The following D2HGDH variants were observed in gnomAD, a reference collection of about 807,000 sequenced individuals.
D2HGDH encodes D-2-hydroxyglutarate dehydrogenase, mitochondrial.
D2HGDH carries 31 observed loss-of-function variants against 46.9 expected under a neutral mutation model. That is an observed-to-expected ratio of 0.66 (90% CI 0.50 to 0.89). The LOEUF is 0.89. D2HGDH is among the 40% of genes least tolerant of loss of function. The probability of loss-of-function intolerance (pLI) is 0.00; values close to 1 mark genes in which losing one functional copy is unlikely to be tolerated. For missense variants in D2HGDH, 698 were observed against 720.8 expected, an observed-to-expected ratio of 0.97 and a Z score of 0.36; for synonymous variants, 364 against 332.6, an observed-to-expected ratio of 1.09 and a Z score of -1.03.
chr2:241,747,802 A>T (rs555042657), intron 6 of D2HGDH, among the ~76,000 whole-genome samples: 2 of 152,124 alleles, frequency 1.3e-5, no homozygotes, highest in Admixed American at 1.3e-4. Context: ...AGCTCAAACA[A>T]TTCTCCTGCC....
intron 9 of D2HGDH, among the ~76,000 whole-genome samples, chr2:241,756,252 C>T (rs773684159): frequency 1.6e-4 from 25 of 152,232 alleles, no homozygotes; most frequent in Non-Finnish European, 3.4e-4. Context: ...AATGGCAGAG[C>T]GCATGGCTCA....
At chr2:241,762,551 G>A (rs377507098) in intron 9 of D2HGDH, among the ~76,000 whole-genome samples, 1 of 152,152 alleles carries the variant, frequency 6.6e-6, no homozygotes, top group South Asian at 2.1e-4. Context: ...AAATTCCTCA[G>A]CCACCAGAGC....
chr2:241,756,157 CGGTGTCTGACA>C, intron 9 of D2HGDH, 143 bp downstream of exon 9: 1 of 1,240,240 alleles, frequency 8.1e-7, no homozygotes, highest in East Asian at 2.6e-5. Context: ...GGCAGGACCA[CGGTGTCTGACA>C]GGGAAGGGAA....
chr2:241,743,848 G>T lies in D2HGDH; in HGVS notation c.684+33G>T. On this transcript the variant is annotated intron_variant, in intron 5 of 9. Coordinates refer to ENST00000321264, the MANE Select transcript of D2HGDH (RefSeq NM_152783.5). The surrounding 1 kb of genome is among the most constrained non-coding windows in gnomAD (Gnocchi z 4.8). The stretch of plus-strand genomic sequence containing the variant: ...GGGGCAGCTGCTTGGTGCAGAGGTC[G>T]CCACGGGGTGTCCTCTCACGGCTCT... 6.4e-7 allele frequency: 1 copy of T among 1,560,792 alleles called. No homozygotes were observed. The highest frequency in any genetic ancestry group is 1.2e-5 in the South Asian group (1 of 85,374).
rs778730946 is a variant in D2HGDH at position 241,743,598 on chromosome 2, C to T, written c.491-24C>T. 26 of 1,607,284 alleles carry T rather than the reference C, an allele frequency of 1.6e-5. No homozygotes were observed. Among genetic ancestry groups the T allele is most frequent in the South Asian group, 4.4e-5 (4 of 89,900 alleles). On this transcript the variant is annotated intron_variant, in intron 4 of 9. Coordinates refer to ENST00000321264, the MANE Select transcript of D2HGDH (RefSeq NM_152783.5). This position sits in a 1 kb window ranked among gnomAD's most constrained non-coding sequence, Gnocchi z 4.8. ...GGGGCCCACTGGAAGCCAAGTGCTGCGGCAGCCTGGTCACTCTCTGCAGGA... is the reference window on the plus strand; with the variant it reads ...GGGGCCCACTGGAAGCCAAGTGCTGTGGCAGCCTGGTCACTCTCTGCAGGA...
intron 7 of D2HGDH, 152 bp from the exon 8 acceptor site, chr2:241,751,094 A>G: frequency 9.8e-7 from 1 of 1,022,496 alleles, no homozygotes; most frequent in African/African-American, 1.6e-5. Context: ...AGTCAGCTTA[A>G]CCAGAGAGCT....
intron 9 of D2HGDH, among the ~76,000 whole-genome samples, chr2:241,762,623 T>G (rs1698931835): frequency 6.6e-6 from 1 of 152,176 alleles, no homozygotes. Flanking sequence ...CCAAGCCCCC[T>G]TGTTTCTTAT....
In D2HGDH at chr2:241,743,489, C is replaced by A. The variant is rs1695072487; in HGVS notation, c.491-133C>A. On this transcript the variant is annotated intron_variant, in intron 4 of 9. Coordinates refer to ENST00000321264, the MANE Select transcript of D2HGDH (RefSeq NM_152783.5). The surrounding 1 kb of genome is among the most constrained non-coding windows in gnomAD (Gnocchi z 4.8). ...TTGGGCCAGCGATGTGGGGGTGCCT[C>A]TTCTCCTCAGCCCTGGCGCTGAGGC... is the stretch of plus-strand genomic sequence containing the variant. 1.0e-6 allele frequency: 1 copy of A among 1,002,776 alleles called. No homozygotes were observed. The highest frequency in any genetic ancestry group is 1.5e-6 in the Non-Finnish European group (1 of 667,888). The allele number at this position is 1,002,776 out of a possible 1,614,324, so 62.1% of individuals were successfully genotyped here. A position where few individuals can be genotyped will look rare whatever the true frequency, so the allele number is the denominator to read the frequency against.
At position 241,735,404 on chromosome 2, in the gene D2HGDH, C is replaced by G. The variant is rs754277308; in HGVS notation, c.180C>G (p.Ser60=). Residue 60 remains serine, a synonymous_variant, in exon 2 of 10, where the codon TCC becomes TCG. Coordinates refer to ENST00000321264, the MANE Select transcript of D2HGDH (RefSeq NM_152783.5). The stretch of plus-strand genomic sequence containing the variant: ...ACCCCGTGCGGCGCTTGCCGTTCTC[C>G]ACGGTGTCTAAGCAGGACCTGGCCG... The part of the protein sequence containing the change: ...ERYPVRRLPF[S]TVSKQDLAAF... The G allele has an allele frequency of 1.2e-6, 2 of 1,602,624 alleles. No homozygotes were observed. The highest frequency in any genetic ancestry group is 3.5e-5 in the Admixed American group (2 of 57,924).
At chr2:241,764,664 AT>A (rs1313869397) in intron 9 of D2HGDH, among the ~76,000 whole-genome samples, 43 of 152,230 alleles carry the variant, frequency 2.8e-4, no homozygotes, top group Admixed American at 3.3e-4. Flanking sequence ...CTTTCCTTGG[AT>A]CTGCCGCTTC....
chr2:241,743,509 T>G lies in D2HGDH; in HGVS notation c.491-113T>G, dbSNP rs1042051645. On this transcript the variant is annotated intron_variant, in intron 4 of 9. Coordinates refer to ENST00000321264, the MANE Select transcript of D2HGDH (RefSeq NM_152783.5). The surrounding 1 kb of genome is among the most constrained non-coding windows in gnomAD (Gnocchi z 4.8). ...TGCCTCTTCTCCTCAGCCCTGGCGC[T>G]GAGGCTGATGTTCCTTCTGGGTGGC... 7.9e-7 allele frequency: 1 copy of G among 1,261,600 alleles called. No homozygotes were observed. Among genetic ancestry groups the G allele is most frequent in the Non-Finnish European group, 1.1e-6 (1 of 896,290 alleles). 78.2% of individuals were successfully genotyped at this position (1,261,600 alleles called of 1,614,324 possible).
intron 2 of D2HGDH, among the ~76,000 whole-genome samples, chr2:241,740,681 T>C (rs1694198577): frequency 6.6e-6 from 1 of 152,176 alleles, no homozygotes; most frequent in Admixed American, 6.5e-5. Context: ...GCATGGTGGC[T>C]CATGCCTGTA....
At position 241,768,075 on chromosome 2, in the gene D2HGDH, A is replaced by G; in HGVS notation, c.*106A>G. 2.1e-5 allele frequency: 31 copies of G among 1,442,218 alleles called. No individual in the cohort carries two copies. In the South Asian group the frequency reaches 4.1e-4, roughly 19 times the overall value. The allele number at this position is 1,442,218 out of a possible 1,614,324, so 89.3% of individuals were successfully genotyped here. The stretch of plus-strand genomic sequence containing the variant: ...ATGAGCCGGCAGTGGGCAGGGGACC[A>G]GGCACCTGGTTGAAGGGACTGGGAG... On this transcript the variant is annotated 3_prime_UTR_variant, in exon 10 of 10. Transcript: ENST00000321264.
In D2HGDH at chr2:241,749,198, C is replaced by A. The variant is rs570855081; in HGVS notation, c.854-953C>A. On this transcript the variant is annotated intron_variant, in intron 6 of 9. Transcript: ENST00000321264. ...CCCACCGCCAGACCCTCCAACACCA[C>A]CACCACCTCCCACACCCCAGCCCTC... 24 of 886,992 alleles carry A rather than the reference C, an allele frequency of 2.7e-5. 1 individual carries two copies. The South Asian group carries it at 4.0e-4, about 15-fold the overall frequency. The allele number at this position is 886,992 out of a possible 1,614,324, so 54.9% of individuals were successfully genotyped here.
intron 7 of D2HGDH, 104 bp downstream of exon 7, chr2:241,750,398 C>CGGGGG: frequency 5.8e-6 from 1 of 171,722 alleles, no homozygotes; most frequent in Non-Finnish European, 9.9e-6. Context: ...GGTGCCCGGG[C>CGGGGG]GGGCGGGTGG....
chr2:241,762,661 G>A (rs1698936472), intron 9 of D2HGDH, among the ~76,000 whole-genome samples: 2 of 152,146 alleles, frequency 1.3e-5, no homozygotes, highest in Admixed American at 6.5e-5. Flanking sequence ...CCGCCTCTCA[G>A]GTTTGGATGC....
chr2:241,740,598 C>A (rs941364685), intron 2 of D2HGDH, among the ~76,000 whole-genome samples: 1 of 152,212 alleles, frequency 6.6e-6, no homozygotes, highest in Non-Finnish European at 1.5e-5. Flanking sequence ...TAGCTCACTG[C>A]AGCCTTGACC....
At chr2:241,750,357 G>A in intron 7 of D2HGDH, 63 bp downstream of exon 7, 1 of 1,588,462 alleles carries the variant, frequency 6.3e-7, no homozygotes, top group Non-Finnish European at 8.5e-7. Flanking sequence ...CTGGACACAT[G>A]GGACGGCTCA....
intron 2 of D2HGDH, among the ~76,000 whole-genome samples, chr2:241,737,496 T>TTTTTTA (rs1553601394): frequency 1.3e-5 from 2 of 151,890 alleles, no homozygotes; most frequent in East Asian, 1.9e-4. Context: ...TTTTCTCTTT[T>TTTTTTA]TTTATTTTTT....
Sources: allele counts gnomAD v4.1 joint callset (sites outside exome capture counted in the v4.1 genomes callset), GRCh38; gene constraint gnomAD v4.1.1; non-coding constraint Gnocchi (gnomAD v3.1); transcripts MANE v1.5; gene names NCBI Gene and HGNC (gene_info 2026-07-23, HGNC 2026-07-21).